RBPMS: variants seen among roughly 807,000 people sequenced by gnomAD.
RBPMS encodes RNA-binding protein with multiple splicing.
Under a neutral mutation model 26.8 loss-of-function variants are expected in RBPMS, and 7 were observed. The observed-to-expected ratio is 0.26, with a 90% CI of 0.15 to 0.49. The LOEUF (loss-of-function observed/expected upper bound fraction) is 0.49. Ranked by LOEUF, RBPMS falls within the 20% of genes least tolerant of loss-of-function variation. The pLI is 0.98. For missense variants in RBPMS, 186 were observed against 250.0 expected (o/e 0.74, Z 1.73); for synonymous variants, 96 against 93.3 (o/e 1.03, Z -0.17).
intron 1 of RBPMS, among the ~76,000 whole-genome samples, chr8:30,386,415 G>C (rs1285265777): frequency 2.0e-5 from 3 of 152,188 alleles, no homozygotes; most frequent in Non-Finnish European, 2.9e-5. Context: ...GATTTTACTC[G>C]TCACCCAGTT....
At chr8:30,455,715 C>G (rs907855811) in intron 1 of RBPMS, among the ~76,000 whole-genome samples, 4 of 152,026 alleles carry the variant, frequency 2.6e-5, no homozygotes, top group Admixed American at 6.6e-5. Context: ...TGGTGAAACC[C>G]CAACTCTACT....
At chr8:30,479,029 T>G (rs1233969882) in intron 3 of RBPMS, among the ~76,000 whole-genome samples, 1 of 152,212 alleles carries the variant, frequency 6.6e-6, no homozygotes, top group East Asian at 1.9e-4. Context: ...TTTTCCTCTA[T>G]TCCCTTGTTC....
intron 6 of RBPMS, among the ~76,000 whole-genome samples, chr8:30,551,734 C>T (rs547818635): frequency 2.0e-5 from 3 of 152,144 alleles, no homozygotes; most frequent in African/African-American, 4.8e-5. Flanking sequence ...TGCTGCTGAG[C>T]GCCTGGCACC....
intron 5 of RBPMS, among the ~76,000 whole-genome samples, chr8:30,514,680 C>CTTTCTTTTTTT (rs1822105007): frequency 1.2e-5 from 1 of 82,650 alleles, no homozygotes; most frequent in African/African-American, 5.3e-5. Flanking sequence ...CCATGCCGGG[C>CTTTCTTTTTTT]TTTTTTTTTT....
At chr8:30,521,528 G>C (rs1425546077) in intron 5 of RBPMS, among the ~76,000 whole-genome samples, 1 of 152,108 alleles carries the variant, frequency 6.6e-6, no homozygotes, top group East Asian at 1.9e-4. Context: ...GTAGGCTCTT[G>C]GTATGGGAAT....
chr8:30,550,733 T>C (rs1826286199), intron 6 of RBPMS, among the ~76,000 whole-genome samples: 4 of 152,192 alleles, frequency 2.6e-5, no homozygotes, highest in Admixed American at 2.6e-4. Flanking sequence ...ACGCCAGCAC[T>C]GGGAGAGCTT....
chr8:30,459,227 G>C (rs996915546), intron 1 of RBPMS, among the ~76,000 whole-genome samples: 1 of 151,978 alleles, frequency 6.6e-6, no homozygotes, highest in East Asian at 1.9e-4. Flanking sequence ...CTCCCAAAGT[G>C]CTTGGATTAC....
intron 6 of RBPMS, among the ~76,000 whole-genome samples, chr8:30,549,814 C>CCCCTCTCTCCTCTT (rs768279404): frequency 7.5e-6 from 1 of 134,072 alleles, no homozygotes; most frequent in Admixed American, 7.5e-5. Flanking sequence ...TCCTCTCTCT[C>CCCCTCTCTCCTCTT]TCTCTCTCTC....
chr8:30,385,189 C>A, intron 1 of RBPMS, 31 bp downstream of exon 1: 2 of 1,432,866 alleles, frequency 1.4e-6, no homozygotes, highest in African/African-American at 1.5e-5. Flanking sequence ...GTGGCGGGGG[C>A]GACGCGGGAC....
intron 1 of RBPMS, among the ~76,000 whole-genome samples, chr8:30,458,131 A>G (rs12550791): frequency 0.02 from 3,109 of 152,308 alleles, 93 homozygotes; most frequent in East Asian, 0.12. Flanking sequence ...TATAAATGCT[A>G]TGTAAATAGG....
At chr8:30,502,803 CTTTTTG>C (rs751868508) in intron 4 of RBPMS, among the ~76,000 whole-genome samples, 4 of 152,180 alleles carry the variant, frequency 2.6e-5, no homozygotes, top group Non-Finnish European at 5.9e-5. Context: ...TGCAGCTTTG[CTTTTTG>C]TTTTTGTTTT....
intron 1 of RBPMS, chr8:30,453,831 AT>A (rs1321247132): frequency 6.6e-6 from 1 of 152,142 alleles, no homozygotes; most frequent in Non-Finnish European, 1.5e-5. Context: ...TGTTATTTGT[AT>A]GTTTTTTTAA....
intron 1 of RBPMS, among the ~76,000 whole-genome samples, chr8:30,453,486 G>A (rs1422142195): frequency 1.3e-5 from 2 of 152,070 alleles, no homozygotes; most frequent in Non-Finnish European, 2.9e-5. Context: ...TTAGCTTCTT[G>A]GAAATTGTGG....
At chr8:30,417,222 T>C (rs1222767735) in intron 1 of RBPMS, among the ~76,000 whole-genome samples, 3 of 152,238 alleles carry the variant, frequency 2.0e-5, no homozygotes, top group African/African-American at 7.2e-5. Flanking sequence ...TTAAAATATT[T>C]TACTTCTGTA....
chr8:30,438,752 T>G (rs576792963), intron 1 of RBPMS, among the ~76,000 whole-genome samples: 2 of 151,278 alleles, frequency 1.3e-5, no homozygotes, highest in Admixed American at 1.3e-4. Flanking sequence ...TATAGAGAGA[T>G]AGGAAGATGC....
chr8:30,454,331 G>T (rs1175291131), intron 1 of RBPMS, among the ~76,000 whole-genome samples: 1 of 152,180 alleles, frequency 6.6e-6, no homozygotes, highest in East Asian at 1.9e-4. Context: ...GTGTCCTGAA[G>T]ATGGCAAGTG....
chr8:30,449,153 C>G (rs1355180235), intron 1 of RBPMS, among the ~76,000 whole-genome samples: 1 of 152,108 alleles, frequency 6.6e-6, no homozygotes, highest in Non-Finnish European at 1.5e-5. Context: ...TCCTTCAATG[C>G]TTTGTTGTGC....
intron 1 of RBPMS, among the ~76,000 whole-genome samples, chr8:30,425,396 G>T (rs555744754): frequency 6.6e-6 from 1 of 151,628 alleles, no homozygotes; most frequent in Non-Finnish European, 1.5e-5. Context: ...GATATGTAGC[G>T]TAATTTTAAT....
rs186068359 is a variant in RBPMS, at chr8:30,535,423, G to A, written c.398-9071G>A. The stretch of plus-strand genomic sequence containing the variant: ...AGGGTACACATAGCCTGTTTTGGGA[G>A]GTGTAAGAAAGGATATCTGGTCTTT... On this transcript the variant is annotated intron_variant, in intron 5 of 8. Coordinates refer to ENST00000397323, the MANE Select transcript of RBPMS (RefSeq NM_001008710.3). 8.1e-4 allele frequency among the ~76,000 whole-genome samples: 123 copies of A among 152,256 alleles called. 1 individual carries two copies. In the Middle Eastern group the frequency reaches 0.014, roughly 17 times the overall value.
Sources: allele counts gnomAD v4.1 joint callset (sites outside exome capture counted in the v4.1 genomes callset), GRCh38; gene constraint gnomAD v4.1.1; transcripts MANE v1.5; gene names NCBI Gene and HGNC (gene_info 2026-07-23, HGNC 2026-07-21).